The following NECTIN3 variants were observed in gnomAD, a reference collection of about 807,000 sequenced individuals.
The protein encoded by NECTIN3 is nectin cell adhesion molecule 3, also known as nectin-3.
In NECTIN3, 8 loss-of-function variants were observed where a neutral mutation model predicts 49.4. The ratio of observed to expected loss-of-function variants is 0.16; its 90% CI spans 0.10 to 0.29. The LOEUF is 0.29. Ranked by LOEUF, NECTIN3 falls within the 10% of genes least tolerant of loss-of-function variation. The pLI is 1.00. For missense variants in NECTIN3, 581 were observed against 654.6 expected, an observed-to-expected ratio of 0.89 and a Z score of 1.23; for synonymous variants, 277 against 241.1, an observed-to-expected ratio of 1.15 and a Z score of -1.38.
intron 7 of NECTIN3, among the ~76,000 whole-genome samples, chr3:111,165,472 A>C (rs992888868): frequency 6.6e-6 from 1 of 152,216 alleles, no homozygotes; most frequent in African/African-American, 2.4e-5. Context: ...GGATTTCTTC[A>C]AAATGACTTT....
intron 1 of NECTIN3, among the ~76,000 whole-genome samples, chr3:111,086,084 A>G (rs1297434412): frequency 6.6e-6 from 1 of 152,046 alleles, no homozygotes; most frequent in African/African-American, 2.4e-5. Flanking sequence ...GGGCCATTTG[A>G]ATATCCTCTT....
intron 1 of NECTIN3, among the ~76,000 whole-genome samples, chr3:111,088,737 A>T (rs1270646171): frequency 2.0e-5 from 3 of 151,952 alleles, no homozygotes; most frequent in African/African-American, 7.2e-5. Context: ...TCTATTTGCT[A>T]TTTTATTTTC....
At chr3:111,106,262 A>G (rs1404236196) in intron 1 of NECTIN3, among the ~76,000 whole-genome samples, 2 of 152,166 alleles carry the variant, frequency 1.3e-5, no homozygotes, top group African/African-American at 4.8e-5. Flanking sequence ...GCCTGGCACA[A>G]ATTGTTCACC....
At chr3:111,114,176 T>G (rs2033591179) in intron 2 of NECTIN3, among the ~76,000 whole-genome samples, 1 of 152,140 alleles carries the variant, frequency 6.6e-6, no homozygotes, top group Non-Finnish European at 1.5e-5. Flanking sequence ...CTTTTCTCGC[T>G]TCATCTATTC....
At chr3:111,186,880 A>G (rs996041883) in intron 7 of NECTIN3, among the ~76,000 whole-genome samples, 5 of 152,226 alleles carry the variant, frequency 3.3e-5, no homozygotes, top group Admixed American at 2.0e-4. Context: ...GAAAAGATAC[A>G]AGAATAATAT....
chr3:111,119,065 T>G, intron 3 of NECTIN3, 113 bp downstream of exon 3: 1 of 1,010,700 alleles, frequency 9.9e-7, no homozygotes, highest in Non-Finnish European at 1.4e-6. Context: ...TTTAATTTTG[T>G]TTGTTTTCAT....
chr3:111,101,384 TAAC>T, intron 1 of NECTIN3, among the ~76,000 whole-genome samples: 1 of 152,300 alleles, frequency 6.6e-6, no homozygotes, highest in East Asian at 1.9e-4. Flanking sequence ...ACAGTAGGAT[TAAC>T]TTTATAGTTA....
chr3:111,074,356 T>C, intron 1 of NECTIN3: 1 of 362,324 alleles, frequency 2.8e-6, no homozygotes, highest in South Asian at 2.0e-5. Flanking sequence ...TAATTAATAT[T>C]TGCGTGGAGC....
Position 111,157,293 on chromosome 3 carries a change from AT to A in NECTIN3, c.1221+9810del, listed in dbSNP as rs151247742. On this transcript the variant is annotated intron_variant, in intron 7 of 8. Transcript: ENST00000493615. ...TTCCTTACCTTTGATTAATAGCAAA[AT>A]ACATATGTTACACATTCATATTCAG... is the stretch of plus-strand genomic sequence containing the variant. Among the ~76,000 whole-genome samples the A allele has an allele frequency of 0.02, 3,058 of 152,252 alleles. 187 individuals are homozygous for A. The East Asian group carries it at 0.24, about 12-fold the overall frequency.
chr3:111,159,018 A>G (rs952993975), intron 7 of NECTIN3, among the ~76,000 whole-genome samples: 3 of 152,196 alleles, frequency 2.0e-5, no homozygotes, highest in Admixed American at 2.0e-4. Flanking sequence ...TACAAGTTAA[A>G]CCACAATGAA....
chr3:111,122,348 A>G (rs1576130766), intron 4 of NECTIN3, 110 bp downstream of exon 4: 2 of 769,502 alleles, frequency 2.6e-6, no homozygotes, highest in Non-Finnish European at 4.0e-6. Flanking sequence ...ATAGCAGAAA[A>G]TTTTAATTAA....
chr3:111,083,150 G>A (rs1363033103), intron 1 of NECTIN3, among the ~76,000 whole-genome samples: 2 of 152,194 alleles, frequency 1.3e-5, no homozygotes, highest in African/African-American at 4.8e-5. Flanking sequence ...CCACAGACTC[G>A]TACGGGGGTT....
chr3:111,146,241 C>T (rs1350645446), intron 6 of NECTIN3, among the ~76,000 whole-genome samples: 4 of 151,630 alleles, frequency 2.6e-5, no homozygotes, highest in Admixed American at 6.6e-5. Flanking sequence ...GAGACCATCC[C>T]GGCTAAAACG....
At chr3:111,106,705 AGTTT>A (rs932335788) in intron 1 of NECTIN3, among the ~76,000 whole-genome samples, 7 of 152,206 alleles carry the variant, frequency 4.6e-5, no homozygotes, top group Admixed American at 3.9e-4. Context: ...TTACCTTGCT[AGTTT>A]GTTAATGTAT....
At position 111,136,751 on chromosome 3, in the gene NECTIN3, A is replaced by G. The variant is rs2034591954; in HGVS notation, c.*2536A>G. Reference sequence around the variant, plus strand: ...TTCATATGGTTTGAACTGTTTTAGCATTTTGTAAATTCACTTGAGAGTTTT... The same window carrying G: ...TTCATATGGTTTGAACTGTTTTAGCGTTTTGTAAATTCACTTGAGAGTTTT... On this transcript the variant is annotated 3_prime_UTR_variant, in exon 6 of 6. Coordinates refer to ENST00000485303, the MANE Select transcript of NECTIN3 (RefSeq NM_015480.3). 1 of 922,208 alleles carries G rather than the reference A, an allele frequency of 1.1e-6. No individual in the cohort carries two copies. The highest frequency in any genetic ancestry group is 1.8e-5 in the African/African-American group (1 of 55,770). The allele number at this position is 922,208 out of a possible 1,614,324, so 57.1% of individuals were successfully genotyped here. A position where few individuals can be genotyped will look rare whatever the true frequency, so the allele number is the denominator to read the frequency against.
upstream of NECTIN3, chr3:111,192,275 TA>T (rs2107539736): frequency 7.5e-7 from 1 of 1,326,924 alleles, no homozygotes; most frequent in Non-Finnish European, 1.0e-6. Flanking sequence ...TTGGCTCTTT[TA>T]AAAATAGGAA....
At chr3:111,072,430 G>GT (rs1233528406) in intron 1 of NECTIN3, 1 of 1,532,722 alleles carries the variant, frequency 6.5e-7, no homozygotes, top group East Asian at 2.5e-5. Flanking sequence ...ATGGCCGAGG[G>GT]TTGGCGATGG....
intron 1 of NECTIN3, chr3:111,077,345 A>T (rs1310723100): frequency 7.9e-5 from 11 of 139,304 alleles, no homozygotes; most frequent in East Asian, 2.2e-4. Flanking sequence ...CTTTAATGGT[A>T]AAAAAAAAAA....
chr3:111,072,239 C>T (rs1373262682), intron 1 of NECTIN3, 62 bp downstream of exon 1: 6 of 1,490,368 alleles, frequency 4.0e-6, no homozygotes, highest in Admixed American at 4.4e-5. Flanking sequence ...GCGGGCGCCG[C>T]GGCCGGCTCT....
Sources: allele counts gnomAD v4.1 joint callset (sites outside exome capture counted in the v4.1 genomes callset), GRCh38; gene constraint gnomAD v4.1.1; transcripts MANE v1.5; gene names NCBI Gene and HGNC (gene_info 2026-07-23, HGNC 2026-07-21).